The following EPHA6 variants were observed in gnomAD, a reference collection of about 807,000 sequenced individuals.
EPHA6 encodes ephrin type-A receptor 6.
In EPHA6, 50 loss-of-function variants were observed where a neutral mutation model predicts 112.0. The observed-to-expected ratio is 0.45, with a 90% CI of 0.36 to 0.56. The LOEUF is 0.56. Ranked by LOEUF, EPHA6 falls within the 20% of genes least tolerant of loss-of-function variation. The pLI is 0.00. For synonymous variants in EPHA6, 529 were observed against 490.7 expected (o/e 1.08, Z -1.03); for missense variants, 1,280 against 1,417.4 (o/e 0.90, Z 1.56).
chr3:97,636,520 G>T (rs2093946909), intron 13 of EPHA6, among the ~76,000 whole-genome samples: 1 of 152,064 alleles, frequency 6.6e-6, no homozygotes, highest in South Asian at 2.1e-4. Context: ...TTAAGAGAGG[G>T]TTCTTTCCCT....
chr3:96,864,471 T>A (rs1361593575), intron 1 of EPHA6, among the ~76,000 whole-genome samples: 1 of 152,028 alleles, frequency 6.6e-6, no homozygotes, highest in Non-Finnish European at 1.5e-5. Flanking sequence ...ATGATTTCAT[T>A]TATTTGACAC....
At position 96,814,699 on chromosome 3, in the gene EPHA6, C is replaced by A. The variant is rs1194512711; in HGVS notation, c.76C>A (p.Pro26Thr). Residue 26 changes from proline to threonine, a missense_variant, in exon 1 of 18, where the codon CCT becomes ACT. This residue lies in a region of EPHA6 where 220 missense variants were observed against 171.5 expected (regional missense o/e 1.28). Transcript: ENST00000389672. ...AGCGTCCTCCTCCGAAGCAGCTGCACCTGCAACTGGGCAGCCTGGACCCTC... is the reference window on the plus strand; with the variant it reads ...AGCGTCCTCCTCCGAAGCAGCTGCAACTGCAACTGGGCAGCCTGGACCCTC... ...QAASSSEAAA[P>T]ATGQPGPSCP... 2.7e-6 allele frequency: 4 copies of A among 1,502,518 alleles called. No individual in the cohort carries two copies. The African/African-American group carries it at 4.2e-5, about 16-fold the overall frequency. 93.1% of individuals were successfully genotyped at this position (1,502,518 alleles called of 1,614,324 possible).
chr3:96,924,173 A>G (rs1464208680), intron 2 of EPHA6, among the ~76,000 whole-genome samples: 1 of 152,166 alleles, frequency 6.6e-6, no homozygotes, highest in Non-Finnish European at 1.5e-5. Flanking sequence ...TAGTTTTTCT[A>G]AATCTGTGAA....
At chr3:96,906,333 G>A (rs1368537241) in intron 2 of EPHA6, among the ~76,000 whole-genome samples, 1 of 151,970 alleles carries the variant, frequency 6.6e-6, no homozygotes, top group Non-Finnish European at 1.5e-5. Context: ...AATGGGTCAA[G>A]TGTCATCCGT....
intron 3 of EPHA6, among the ~76,000 whole-genome samples, chr3:97,147,053 T>C (rs2076060406): frequency 6.6e-6 from 1 of 152,072 alleles, no homozygotes; most frequent in Non-Finnish European, 1.5e-5. Flanking sequence ...CAAAGCACGC[T>C]GGCATCATAT....
At chr3:97,214,038 T>TGTGTGTGTGTGTGTGTGTGTGAGA (rs1491420279) in intron 3 of EPHA6, among the ~76,000 whole-genome samples, 6 of 77,784 alleles carry the variant, frequency 7.7e-5, no homozygotes, top group African/African-American at 2.1e-4. Context: ...TGTGTGTGTG[T>TGTGTGTGTGTGTGTGTGTGTGAGA]GAGAGAGAGA....
At chr3:96,909,514 T>C (rs2039108782) in intron 2 of EPHA6, among the ~76,000 whole-genome samples, 1 of 151,996 alleles carries the variant, frequency 6.6e-6, no homozygotes, top group Non-Finnish European at 1.5e-5. Context: ...ATACAATGTA[T>C]GTATGATTAT....
intron 11 of EPHA6, chr3:97,559,776 A>T (rs905636900): frequency 5.7e-6 from 2 of 351,522 alleles, no homozygotes; most frequent in Non-Finnish European, 1.1e-5. Flanking sequence ...CTAAAGTTAA[A>T]ACTGCCAGCC....
At chr3:97,676,537 G>A (rs1428061486) in intron 14 of EPHA6, among the ~76,000 whole-genome samples, 2 of 152,156 alleles carry the variant, frequency 1.3e-5, no homozygotes, top group African/African-American at 4.8e-5. Context: ...TGTTATAAAA[G>A]TAAGCAGAGA....
intron 11 of EPHA6, among the ~76,000 whole-genome samples, chr3:97,583,175 G>T (rs778616778): frequency 6.6e-5 from 10 of 151,740 alleles, no homozygotes; most frequent in Non-Finnish European, 1.3e-4. Context: ...TCTCATACAT[G>T]TTGATAAATG....
chr3:97,203,811 T>A, intron 3 of EPHA6, among the ~76,000 whole-genome samples: 1 of 152,266 alleles, frequency 6.6e-6, no homozygotes, highest in Admixed American at 6.5e-5. Flanking sequence ...CTATAGTCAC[T>A]AATAGCTTAA....
chr3:97,548,608 A>G (rs1175391264), intron 11 of EPHA6, among the ~76,000 whole-genome samples: 1 of 152,108 alleles, frequency 6.6e-6, no homozygotes, highest in African/African-American at 2.4e-5. Flanking sequence ...TCTATTTCAG[A>G]TTGTTCTATA....
chr3:97,360,825 A>T (rs2084333947), intron 5 of EPHA6, among the ~76,000 whole-genome samples: 1 of 152,246 alleles, frequency 6.6e-6, no homozygotes, highest in South Asian at 2.1e-4. Flanking sequence ...AAAATAATGA[A>T]GTAAACAAAA....
At chr3:97,729,270 G>C (rs1000793237) in intron 15 of EPHA6, among the ~76,000 whole-genome samples, 2 of 151,812 alleles carry the variant, frequency 1.3e-5, no homozygotes, top group African/African-American at 4.8e-5. Context: ...GAAAAATATT[G>C]AATGAGAAAG....
At chr3:97,397,721 G>A (rs1170341287) in intron 5 of EPHA6, among the ~76,000 whole-genome samples, 1 of 151,372 alleles carries the variant, frequency 6.6e-6, no homozygotes, top group East Asian at 1.9e-4. Flanking sequence ...AACGCTAATA[G>A]GAAAGTATTG....
chr3:97,117,353 C>A (rs976404326), intron 3 of EPHA6, among the ~76,000 whole-genome samples: 1 of 151,468 alleles, frequency 6.6e-6, no homozygotes, highest in Non-Finnish European at 1.5e-5. Flanking sequence ...TCTATTTTTG[C>A]TTTTGTCTTT....
chr3:97,561,088 A>T (rs2093183838), intron 11 of EPHA6, among the ~76,000 whole-genome samples: 1 of 151,986 alleles, frequency 6.6e-6, no homozygotes, highest in Non-Finnish European at 1.5e-5. Flanking sequence ...CCAATCAGCC[A>T]TTCCTCCATT....
chr3:97,065,067 A>G (rs949168400), intron 3 of EPHA6, among the ~76,000 whole-genome samples: 2 of 152,148 alleles, frequency 1.3e-5, no homozygotes, highest in African/African-American at 2.4e-5. Context: ...TGCTATGAAA[A>G]TTAATACCTT....
intron 1 of EPHA6, among the ~76,000 whole-genome samples, chr3:96,816,086 T>C (rs1197607073): frequency 6.6e-6 from 1 of 152,290 alleles, no homozygotes; most frequent in African/African-American, 2.4e-5. Flanking sequence ...AAGTGTTCAC[T>C]TTTTGTGTGA....
Sources: allele counts gnomAD v4.1 joint callset (sites outside exome capture counted in the v4.1 genomes callset), GRCh38; gene constraint gnomAD v4.1.1; regional missense constraint gnomAD v4.1.1; transcripts MANE v1.5; gene names NCBI Gene and HGNC (gene_info 2026-07-23, HGNC 2026-07-21).